The following PALM2AKAP2 variants were observed in gnomAD, a reference collection of about 807,000 sequenced individuals.
The protein encoded by PALM2AKAP2 is PALM2 and AKAP2 fusion, also known as PALM2-AKAP2 fusion protein.
PALM2AKAP2 carries 37 observed loss-of-function variants against 71.5 expected under a neutral mutation model. The observed-to-expected ratio is 0.52, with a 90% CI of 0.40 to 0.68. The LOEUF (loss-of-function observed/expected upper bound fraction) is 0.68, where lower values mean the gene tolerates loss of function less well. PALM2AKAP2 is among the 30% of genes least tolerant of loss of function. The probability of loss-of-function intolerance (pLI) is 0.00; values close to 1 mark genes in which losing one functional copy is unlikely to be tolerated. For synonymous variants in PALM2AKAP2, 468 were observed against 478.8 expected, an observed-to-expected ratio of 0.98 and a Z score of 0.29; for missense variants, 1,224 against 1,191.8, an observed-to-expected ratio of 1.03 and a Z score of -0.40.
chr9:109,677,820 G>A (rs907263482), intron 1 of PALM2AKAP2, among the ~76,000 whole-genome samples: 2 of 152,166 alleles, frequency 1.3e-5, no homozygotes, highest in Non-Finnish European at 2.9e-5. Context: ...AGAAGGAATT[G>A]TTTCATTCTG....
At chr9:109,764,528 A>C (rs1056833506) in intron 1 of PALM2AKAP2, among the ~76,000 whole-genome samples, 1 of 152,320 alleles carries the variant, frequency 6.6e-6, no homozygotes, top group Non-Finnish European at 1.5e-5. Context: ...CAGTTCCCCT[A>C]GATCCCAAGA....
rs143785335 is a variant in PALM2AKAP2, at chr9:109,683,599, A to G, written c.5+42733A>G. 1.2e-3 allele frequency among the ~76,000 whole-genome samples: 179 copies of G among 152,314 alleles called. 1 individual carries two copies. The highest frequency in any genetic ancestry group is 4.0e-3 in the African/African-American group (168 of 41,574). On this transcript the variant is annotated intron_variant, in intron 1 of 6. Transcript: ENST00000374531. ...ACATCTTTGCTGTTTTAAGTCATCC[A>G]GTGTGTGGTGATTAGTTACAGCAGC...
At chr9:110,022,276 T>C (rs1286729449) in intron 7 of PALM2AKAP2, among the ~76,000 whole-genome samples, 2 of 152,108 alleles carry the variant, frequency 1.3e-5, no homozygotes, top group Admixed American at 6.5e-5. Flanking sequence ...GTGGGAAGAT[T>C]GCTTGAGCCC....
At chr9:110,030,098 G>A (rs1321195933) in intron 7 of PALM2AKAP2, among the ~76,000 whole-genome samples, 1 of 152,228 alleles carries the variant, frequency 6.6e-6, no homozygotes, top group African/African-American at 2.4e-5. Flanking sequence ...AAATGGCATA[G>A]AAGTTTACTA....
intron 1 of PALM2AKAP2, among the ~76,000 whole-genome samples, chr9:109,728,953 T>C (rs928856990): frequency 6.6e-6 from 1 of 152,204 alleles, no homozygotes; most frequent in Non-Finnish European, 1.5e-5. Flanking sequence ...CTTTGAATAA[T>C]ATATGTGCTG....
chr9:109,748,252 A>G (rs932205365), intron 1 of PALM2AKAP2, among the ~76,000 whole-genome samples: 1 of 151,874 alleles, frequency 6.6e-6, no homozygotes, highest in Non-Finnish European at 1.5e-5. Flanking sequence ...AAATGCAAAT[A>G]CCCCCTATAC....
At chr9:109,915,234 G>A (rs1830657822) in intron 3 of PALM2AKAP2, among the ~76,000 whole-genome samples, 1 of 152,210 alleles carries the variant, frequency 6.6e-6, no homozygotes, top group East Asian at 1.9e-4. Context: ...AGTGTCCCAA[G>A]AGGGATTGGC....
intron 7 of PALM2AKAP2, among the ~76,000 whole-genome samples, chr9:110,040,705 C>A (rs1368820274): frequency 6.6e-6 from 1 of 151,836 alleles, no homozygotes; most frequent in African/African-American, 2.4e-5. Context: ...CTGTTTTATC[C>A]AAAATTGAAA....
chr9:109,855,050 G>A (rs1170560694), intron 1 of PALM2AKAP2, among the ~76,000 whole-genome samples: 1 of 151,324 alleles, frequency 6.6e-6, no homozygotes, highest in Non-Finnish European at 1.5e-5. Flanking sequence ...TTACAGGCGT[G>A]AGCCACCATG....
chr9:109,906,966 G>A lies in PALM2AKAP2; in HGVS notation c.258-16769G>A, dbSNP rs150793733. Among the ~76,000 whole-genome samples, 16 of 152,300 alleles carry A rather than the reference G, an allele frequency of 1.1e-4. No homozygotes were observed. In the East Asian group the frequency reaches 1.9e-3, roughly 18 times the overall value. On this transcript the variant is annotated intron_variant, in intron 3 of 9. Coordinates refer to the PALM2AKAP2 transcript ENST00000302798. The stretch of plus-strand genomic sequence containing the variant: ...TGCACTCAGATAGGCCAGTCCTACA[G>A]AGGTCCTCATTCACTCACTTGAGCC...
intron 1 of PALM2AKAP2, among the ~76,000 whole-genome samples, chr9:109,717,228 AGGCTT>A (rs1226150236): frequency 2.6e-5 from 4 of 152,196 alleles, no homozygotes; most frequent in Non-Finnish European, 4.4e-5. Flanking sequence ...TTGGACTCCT[AGGCTT>A]CTCCCAACAC....
At chr9:109,867,410 C>T in intron 1 of PALM2AKAP2, 81 bp from the exon 2 acceptor site, 2 of 1,502,194 alleles carry the variant, frequency 1.3e-6, no homozygotes, top group Non-Finnish European at 1.8e-6. Context: ...ATGTGTGCTG[C>T]TGCTGCTGCT....
chr9:110,150,281 C>G (rs1247826407), intron 2 of PALM2AKAP2, among the ~76,000 whole-genome samples: 1 of 152,212 alleles, frequency 6.6e-6, no homozygotes, highest in African/African-American at 2.4e-5. Context: ...TTGTTCAAAC[C>G]ATCCAGTCTA....
At chr9:109,694,329 G>A (rs1484783252) in intron 1 of PALM2AKAP2, among the ~76,000 whole-genome samples, 1 of 152,020 alleles carries the variant, frequency 6.6e-6, no homozygotes, top group Non-Finnish European at 1.5e-5. Flanking sequence ...TAATTTGTAT[G>A]TGTCACACAC....
chr9:110,038,810 G>C (rs568167134), intron 7 of PALM2AKAP2, among the ~76,000 whole-genome samples: 1 of 151,602 alleles, frequency 6.6e-6, no homozygotes, highest in South Asian at 2.1e-4. Context: ...GCCTGGTGGA[G>C]GGCGCTTGTA....
At chr9:109,769,294 G>C (rs1020778188) in intron 1 of PALM2AKAP2, among the ~76,000 whole-genome samples, 11 of 152,150 alleles carry the variant, frequency 7.2e-5, no homozygotes, top group African/African-American at 2.7e-4. Flanking sequence ...TTTTTAAATA[G>C]TGGGATTATC....
At chr9:109,748,315 A>C (rs957680335) in intron 1 of PALM2AKAP2, among the ~76,000 whole-genome samples, 2 of 152,190 alleles carry the variant, frequency 1.3e-5, no homozygotes, top group Admixed American at 6.5e-5. Flanking sequence ...TTGAGGGTAC[A>C]TGAACAGCCC....
intron 1 of PALM2AKAP2, among the ~76,000 whole-genome samples, chr9:109,761,045 C>T (rs1312355848): frequency 1.3e-5 from 2 of 152,212 alleles, no homozygotes; most frequent in Non-Finnish European, 2.9e-5. Context: ...TTAAGGACCA[C>T]TCCAGAGGTA....
Position 110,131,563 on chromosome 9 carries a change from T to A in PALM2AKAP2, c.157-4564T>A, listed in dbSNP as rs78091914. ...TCATCTGATGATACCAAGCCCAGAT[T>A]CCTGCCTAATCCGGATAGGTTAGAT... On this transcript the variant is annotated intron_variant, in intron 1 of 3. Transcript: ENST00000374525. Among the ~76,000 whole-genome samples the A allele has an allele frequency of 8.1e-4, 123 of 152,342 alleles. No homozygotes were observed. In the East Asian group the frequency reaches 0.02, roughly 25 times the overall value.
Sources: gnomAD v4.1 joint callset for allele counts (sites outside exome capture counted in the v4.1 genomes callset) on GRCh38, gnomAD v4.1.1 for gene constraint, MANE v1.5 for transcripts, NCBI Gene and HGNC (gene_info 2026-07-23, HGNC 2026-07-21) for gene names.